The following RNF123 variants were observed in gnomAD, a reference collection of about 807,000 sequenced individuals.
The protein encoded by RNF123 is ring finger protein 123, also known as E3 ubiquitin-protein ligase RNF123.
Under a neutral mutation model 168.5 loss-of-function variants are expected in RNF123, and 86 were observed. The observed-to-expected ratio is 0.51, with a 90% CI of 0.43 to 0.61. RNF123 has a LOEUF of 0.61. RNF123 is among the 20% of genes least tolerant of loss of function. RNF123 has a pLI of 0.00. For synonymous variants in RNF123, 666 were observed against 689.1 expected (o/e 0.97, Z 0.52); for missense variants, 1,419 against 1,729.7 (o/e 0.82, Z 3.19).
intron 8 of RNF123, 65 bp from the exon 9 acceptor site, chr3:49,698,690 C>G: frequency 6.3e-7 from 1 of 1,584,202 alleles, no homozygotes; most frequent in Non-Finnish European, 8.6e-7. Context: ...GGAAACGCAG[C>G]TGGGGTTCAG....
Position 49,699,708 on chromosome 3 carries a change from T to A in RNF123, c.920T>A (p.Leu307Ter), listed in dbSNP as rs1460538086. ...GACAAGGAGAGCTCCAAGTGGCGGT[T>A]GCGGGGCCAGCCCACCGTCCTCCTC... Reference protein sequence around the residue: ...LLDKESSKWRLRGQPTVLLTL... With the variant: ...LLDKESSKWR The change falls in exon 12 of 39, where the codon TTG becomes TAG. Residue 307 changes from leucine to a stop codon, truncating the protein, a stop_gained. Coordinates refer to ENST00000327697, the MANE Select transcript of RNF123 (RefSeq NM_022064.5). LOFTEE classifies it high-confidence loss of function. The surrounding 1 kb of genome is among the most constrained non-coding windows in gnomAD (Gnocchi z 4.8). 1 of 1,613,632 alleles carries A rather than the reference T, an allele frequency of 6.2e-7. No individual in the cohort carries two copies. The highest frequency in any genetic ancestry group is 8.5e-7 in the Non-Finnish European group (1 of 1,179,952).
rs1256156118 is a variant in RNF123, at chr3:49,704,794, G to T, written c.1959+38G>T. The T allele has an allele frequency of 8.5e-6, 13 of 1,529,092 alleles. No individual in the cohort carries two copies. The Admixed American group carries it at 2.8e-4, about 33-fold the overall frequency. The allele number at this position is 1,529,092 out of a possible 1,614,324, so 94.7% of individuals were successfully genotyped here. A position where few individuals can be genotyped will look rare whatever the true frequency, so the allele number is the denominator to read the frequency against. On this transcript the variant is annotated intron_variant, in intron 22 of 38. Transcript: ENST00000327697. The stretch of plus-strand genomic sequence containing the variant: ...GGGCAGGCGGTGGGATTTGTGTTGG[G>T]CTTATCCTGTATCTTATGGGCAGGG...
intron 24 of RNF123, 107 bp downstream of exon 24, chr3:49,705,786 T>A: frequency 6.5e-7 from 1 of 1,544,906 alleles, no homozygotes; most frequent in South Asian, 1.2e-5. Flanking sequence ...TTCAAGACCG[T>A]GCATGGGAGC....
At chr3:49,718,336 T>C (rs775062014) in intron 35 of RNF123, 41 of 1,613,244 alleles carry the variant, frequency 2.5e-5, no homozygotes, top group Middle Eastern at 1.6e-4. Flanking sequence ...AGCCTCGGGC[T>C]CTGGGCGCGG....
chr3:49,697,403 G>A lies in RNF123; in HGVS notation c.288G>A (p.Leu96=), dbSNP rs752535336. The change falls in exon 5 of 39, where the codon CTG becomes CTA. Residue 96 remains leucine (L), a synonymous_variant. Coordinates refer to ENST00000327697, the MANE Select transcript of RNF123 (RefSeq NM_022064.5). ...EGRLGPSTVV[L]DHTGGFEGLL... is the part of the protein sequence containing the mutation. The stretch of plus-strand genomic sequence containing the variant: ...GGCTTGGCCCATCCACTGTGGTCCT[G>A]GACCACACAGGCGGCTTTGAGGGGC... The A allele has an allele frequency of 6.2e-7, 1 of 1,611,110 alleles. No individual in the cohort carries two copies. The highest frequency in any genetic ancestry group is 8.5e-7 in the Non-Finnish European group (1 of 1,178,354).
In RNF123 at chr3:49,720,903, G is replaced by A. The variant is rs369165447; in HGVS notation, c.3738+9G>A. On this transcript the variant is annotated intron_variant, in intron 37 of 38. Transcript: ENST00000327697. ...CAGCAGCTGCCTCCCTGGTGAGTGGGAACACGGTGCACAGGTCCATGCCAC... is the reference window on the plus strand; with the variant it reads ...CAGCAGCTGCCTCCCTGGTGAGTGGAAACACGGTGCACAGGTCCATGCCAC... The A allele has an allele frequency of 1.2e-6, 2 of 1,613,814 alleles. No homozygotes were observed. The highest frequency in any genetic ancestry group is 1.7e-5 in the Admixed American group (1 of 60,004).
At chr3:49,692,032 C>A (rs138880499) in intron 3 of RNF123, among the ~76,000 whole-genome samples, 74 of 152,330 alleles carry the variant, frequency 4.9e-4, no homozygotes, top group Non-Finnish European at 8.4e-4. Flanking sequence ...TTGCTTGAGT[C>A]CAGGAGTTCA....
chr3:49,712,135 C>A (rs2080155600), intron 26 of RNF123, among the ~76,000 whole-genome samples: 1 of 151,730 alleles, frequency 6.6e-6, no homozygotes, highest in South Asian at 2.1e-4. Context: ...TGAGGCAAGA[C>A]AATCCCTTGA....
chr3:49,713,395 C>T, intron 27 of RNF123, 118 bp from the exon 28 acceptor site: 2 of 943,748 alleles, frequency 2.1e-6, no homozygotes, highest in Admixed American at 2.2e-5. Flanking sequence ...ACCCTGGGTC[C>T]AGGCTGGCCT....
rs1457056103 is a variant in RNF123 at position 49,721,349 on chromosome 3, A to G, written c.*44A>G. On this transcript the variant is annotated 3_prime_UTR_variant, in exon 39 of 39. Coordinates refer to ENST00000327697, the MANE Select transcript of RNF123 (RefSeq NM_022064.5). ...TCCTGGAACCTCCACCTTTGAACCCAGAGCCAGGCTGGGCCCTATTTATGA... is the reference window on the plus strand; with the variant it reads ...TCCTGGAACCTCCACCTTTGAACCCGGAGCCAGGCTGGGCCCTATTTATGA... The G allele has an allele frequency of 1.2e-6, 2 of 1,613,904 alleles. No individual in the cohort carries two copies. Among genetic ancestry groups the G allele is most frequent in the Non-Finnish European group, 1.7e-6 (2 of 1,179,844 alleles).
In RNF123 at chr3:49,697,191, A is replaced by G; in HGVS notation, c.216A>G (p.Leu72=). Residue 72 remains leucine, a synonymous_variant, in exon 4 of 39, where the codon CTA becomes CTG. Coordinates refer to ENST00000327697, the MANE Select transcript of RNF123 (RefSeq NM_022064.5). ...TGCCAGAACATTTGGACCAGTTGCTACAGGTGGACAATGAGGAGGAGGAAA... is the reference window on the plus strand; with the variant it reads ...TGCCAGAACATTTGGACCAGTTGCTGCAGGTGGACAATGAGGAGGAGGAAA... ...QNLPEHLDQL[L]QVDNEEEESQ... The G allele has an allele frequency of 6.2e-7, 1 of 1,614,150 alleles. No individual in the cohort carries two copies. The highest frequency in any genetic ancestry group is 8.5e-7 in the Non-Finnish European group (1 of 1,180,026).
chr3:49,709,919 T>C (rs1216346444), intron 26 of RNF123, among the ~76,000 whole-genome samples: 1 of 151,996 alleles, frequency 6.6e-6, no homozygotes, highest in African/African-American at 2.4e-5. Context: ...ATTTCTACAG[T>C]GGCTGTGCCT....
Position 49,704,638 on chromosome 3 carries a change from T to A in RNF123, c.1853-12T>A. 6.2e-7 allele frequency: 1 copy of A among 1,604,970 alleles called. No homozygotes were observed. Among genetic ancestry groups the A allele is most frequent in the Non-Finnish European group, 8.5e-7 (1 of 1,175,556 alleles). On this transcript the variant is annotated splice_polypyrimidine_tract_variant and intron_variant, in intron 21 of 38. Transcript: ENST00000327697. ...ACCACTGGCCTGAGAACCCTCCTGCTCTTCCTCCCAGATGACCTTGCTTCC... is the reference window on the plus strand; with the variant it reads ...ACCACTGGCCTGAGAACCCTCCTGCACTTCCTCCCAGATGACCTTGCTTCC...
chr3:49,719,162 G>C (rs757222194), intron 35 of RNF123: 2 of 1,613,438 alleles, frequency 1.2e-6, no homozygotes, highest in Non-Finnish European at 1.7e-6. Flanking sequence ...AAGACGCCGC[G>C]ACCCAGCGCA....
intron 20 of RNF123, 82 bp downstream of exon 20, chr3:49,702,835 G>A: frequency 6.3e-7 from 1 of 1,588,262 alleles, no homozygotes; most frequent in Admixed American, 1.7e-5. Flanking sequence ...GCAGAGTGCT[G>A]AGCTGAGGCT....
chr3:49,714,303 T>TA, intron 31 of RNF123, 129 bp downstream of exon 31: 1 of 798,896 alleles, frequency 1.3e-6, no homozygotes, highest in East Asian at 2.6e-5. Flanking sequence ...CCAGACTCCC[T>TA]ACGTGTCCCC....
chr3:49,718,232 G>A (rs138039032), intron 35 of RNF123: 3 of 1,611,736 alleles, frequency 1.9e-6, no homozygotes, highest in African/African-American at 1.3e-5. Flanking sequence ...CGGCAGGCAC[G>A]GCGGCAGCAG....
intron 3 of RNF123, among the ~76,000 whole-genome samples, chr3:49,696,270 C>T (rs1039766979): frequency 3.9e-4 from 60 of 152,170 alleles, no homozygotes; most frequent in Non-Finnish European, 7.5e-4. Context: ...TTGTTATTCC[C>T]TGGGCTCTTC....
chr3:49,719,124 G>C, intron 35 of RNF123: 1 of 1,613,540 alleles, frequency 6.2e-7, no homozygotes, highest in Non-Finnish European at 8.5e-7. Context: ...ATGATAGATC[G>C]AGCAGCCTCA....
Sources: allele counts gnomAD v4.1 joint callset (sites outside exome capture counted in the v4.1 genomes callset), GRCh38; gene constraint gnomAD v4.1.1; non-coding constraint Gnocchi (gnomAD v3.1); transcripts MANE v1.5; gene names NCBI Gene and HGNC (gene_info 2026-07-23, HGNC 2026-07-21).